The following TTN variants were observed in gnomAD, a reference collection of about 807,000 sequenced individuals.
TTN encodes the protein connectin.
In TTN, 1,525 loss-of-function variants were observed where a neutral mutation model predicts 3,223.0. The observed-to-expected ratio is 0.47, with a 90% CI of 0.45 to 0.49. The LOEUF is 0.49. TTN is among the 20% of genes least tolerant of loss of function. TTN has a pLI of 0.00. For synonymous variants in TTN, 14,094 were observed against 15,161.0 expected (o/e 0.93, Z 5.17); for missense variants, 40,786 against 43,424.0 (o/e 0.94, Z 5.40).
At position 178,559,325 on chromosome 2, in the gene TTN, C is replaced by T. The variant is rs749842120; in HGVS notation, c.86807G>A (p.Gly28936Glu). ...GVGIPAETKE[G>E]VKITEKPSPP... The stretch of plus-strand genomic sequence containing the variant: ...TTAAAACATACCTGTTATTTTTACT[C>T]CTTCCTTTGTTTCAGCTGGTATACC... The change falls in exon 326 of 363, where the codon GGA becomes GAA. Residue 28936 changes from glycine (G) to glutamate (E), a missense_variant. Gly to Glu is a moderately conservative substitution (Grantham distance 98). Transcript: ENST00000589042. 6.9e-6 allele frequency: 11 copies of T among 1,591,062 alleles called. No homozygotes were observed. Among genetic ancestry groups the T allele is most frequent in the Non-Finnish European group, 8.6e-6 (10 of 1,168,526 alleles).
In TTN at chr2:178,631,260, A is replaced by C. The variant is rs2154220279; in HGVS notation, c.43788T>G (p.Thr14596=). ...GAATAACTTCATCTTTCTCTACACC[A>C]GTATAATCTTGAAGTTTTCCTGTAA... The part of the protein sequence containing the change: ...PYFTGKLQDY[T]GVEKDEVILQ... The change falls in exon 237 of 363, where the codon ACT becomes ACG. Residue 14596 remains threonine, a synonymous_variant. Transcript: ENST00000589042. The C allele has an allele frequency of 6.2e-7, 1 of 1,611,582 alleles. No individual in the cohort carries two copies. The highest frequency in any genetic ancestry group is 8.5e-7 in the Non-Finnish European group (1 of 1,179,080).
Position 178,727,180 on chromosome 2 carries a change from T to C in TTN, c.20185A>G (p.Asn6729Asp), listed in dbSNP as rs794729619. The C allele has an allele frequency of 1.9e-6, 3 of 1,613,154 alleles. No homozygotes were observed. In the Admixed American group the frequency reaches 5.0e-5, roughly 27 times the overall value. The change falls in exon 69 of 363, where the codon AAT becomes GAT. Residue 6729 changes from asparagine to aspartate, a missense_variant. Coordinates refer to ENST00000589042, the MANE Select transcript of TTN (RefSeq NM_001267550.2). Reference sequence around the variant, plus strand: ...TCTCCACTGTCCTCAGTACTGAGATTGTTCATCTGTATGACGGCCACTGAG... The same window carrying C: ...TCTCCACTGTCCTCAGTACTGAGATCGTTCATCTGTATGACGGCCACTGAG... ...IDSVAVIQMN[N>D]LSTEDSGDFI...
chr2:178,735,125 C>G (rs1207486956), intron 50 of TTN, 137 bp from the exon 51 acceptor site: 13 of 949,428 alleles, frequency 1.4e-5, no homozygotes, highest in Admixed American at 3.1e-5. Context: ...AGCTGTGGTG[C>G]ATTTAATAGG....
At chr2:178,720,742 G>C in intron 79 of TTN, 79 bp from the exon 80 acceptor site, 1 of 1,434,058 alleles carries the variant, frequency 7.0e-7, no homozygotes, top group Non-Finnish European at 9.2e-7. Flanking sequence ...GAACCTTGAA[G>C]AGTGACTGGT....
intron 120 of TTN, 90 bp from the exon 121 acceptor site, chr2:178,692,189 A>C: frequency 8.1e-7 from 1 of 1,233,472 alleles, no homozygotes; most frequent in Non-Finnish European, 1.2e-6. Flanking sequence ...ATCTTCACTA[A>C]CAGTGTGAGA....
chr2:178,783,083 A>C lies in TTN; in HGVS notation c.2842-19T>G. The stretch of plus-strand genomic sequence containing the variant: ...TTAAGCCCTGAAGAGAGGAGAAAAA[A>C]TAAATAATGATACGTGTGCATATTC... On this transcript the variant is annotated intron_variant, in intron 17 of 362. Coordinates refer to ENST00000589042, the MANE Select transcript of TTN (RefSeq NM_001267550.2). 6.2e-7 allele frequency: 1 copy of C among 1,612,352 alleles called. No individual in the cohort carries two copies. Among genetic ancestry groups the C allele is most frequent in the South Asian group, 1.1e-5 (1 of 91,034 alleles).
chr2:178,695,739 T>TA (rs1298983039), intron 114 of TTN, 126 bp downstream of exon 114: 3 of 806,098 alleles, frequency 3.7e-6, no homozygotes, highest in South Asian at 3.9e-5. Flanking sequence ...TTTCTAACCT[T>TA]AAAAAAATCT....
chr2:178,563,013 C>T lies in TTN; in HGVS notation c.83119G>A (p.Val27707Ile). The T allele has an allele frequency of 6.2e-7, 1 of 1,613,688 alleles. No individual in the cohort carries two copies. The highest frequency in any genetic ancestry group is 1.3e-5 in the African/African-American group (1 of 75,034). Residue 27707 changes from valine to isoleucine, a missense_variant, in exon 326 of 363, where the codon GTT becomes ATT. Val to Ile is a conservative substitution (Grantham distance 29). Transcript: ENST00000589042. This position sits in a 1 kb window ranked among gnomAD's most constrained non-coding sequence, Gnocchi z 4.5. ...ATGCCTTCTGCCTTTTCCCATTTAA[C>T]TTCGGGTTCTGGTCGACCTTTGATA... ...VTIKGRPEPE[V>I]KWEKAEGILT...
rs1559520585 is a variant in TTN, at chr2:178,583,639, G to A, written c.65543C>T (p.Pro21848Leu). The A allele has an allele frequency of 1.2e-6, 2 of 1,609,732 alleles. No individual in the cohort carries two copies. Among genetic ancestry groups the A allele is most frequent in the East Asian group, 2.2e-5 (1 of 44,530 alleles). The change falls in exon 312 of 363, where the codon CCT (proline) becomes CTT (leucine). Residue 21848 changes from proline (P) to leucine (L), a missense_variant. Transcript: ENST00000589042. ...TGCGAGGATAGTCACTGGATCAGAAGGTTCAGAAGGTGGGCTAATGTTTAC... is the reference window on the plus strand; with the variant it reads ...TGCGAGGATAGTCACTGGATCAGAAAGTTCAGAAGGTGGGCTAATGTTTAC... ...TAVNISPPSE[P>L]SDPVTILAEN...
At position 178,782,404 on chromosome 2, in the gene TTN, A is replaced by G; in HGVS notation, c.3188T>C (p.Val1063Ala). Residue 1063 changes from valine (V) to alanine (A), a missense_variant, in exon 20 of 363, where the codon GTT (valine) becomes GCT (alanine). By Grantham distance (64) the Val-to-Ala change is moderately conservative. Coordinates refer to ENST00000589042, the MANE Select transcript of TTN (RefSeq NM_001267550.2). ...CTCTGTGAGGCTAGTATCAGTCATA[A>G]CCACATCTCTTGACTCAACAAAGCT... is the stretch of plus-strand genomic sequence containing the variant. ...EKRFVESRDV[V>A]MTDTSLTEEQ... 2 of 1,614,076 alleles carry G rather than the reference A, an allele frequency of 1.2e-6. No homozygotes were observed. Among genetic ancestry groups the G allele is most frequent in the Non-Finnish European group, 1.7e-6 (2 of 1,179,974 alleles).
In TTN at chr2:178,607,956, C is replaced by A. The variant is rs748265704; in HGVS notation, c.52831G>T (p.Val17611Phe). 1 of 1,612,852 alleles carries A rather than the reference C, an allele frequency of 6.2e-7. No individual in the cohort carries two copies. Among genetic ancestry groups the A allele is most frequent in the Non-Finnish European group, 8.5e-7 (1 of 1,179,314 alleles). The change falls in exon 276 of 363, where the codon GTT becomes TTT. Residue 17611 changes from valine to phenylalanine, a missense_variant. Physicochemically the swap from Val to Phe is conservative, Grantham distance 50 (BLOSUM62 -1). Coordinates refer to ENST00000589042, the MANE Select transcript of TTN (RefSeq NM_001267550.2). ...IVGYFVDKQL[V>F]GTNEWSRCTE... ...CAGCGTGACCATTCATTTGTGCCAA[C>A]CAACTGCTTATCAACAAAATAGCCA...
At position 178,677,696 on chromosome 2, in the gene TTN, G is replaced by T. The variant is rs532102837; in HGVS notation, c.34216C>A (p.Pro11406Thr). 202 of 1,612,698 alleles carry T rather than the reference G, an allele frequency of 1.3e-4. 1 individual carries two copies. In the East Asian group the frequency reaches 4.3e-3, roughly 34 times the overall value. The change falls in exon 146 of 363, where the codon CCT becomes ACT. Residue 11406 changes from proline to threonine, a missense_variant. Coordinates refer to ENST00000589042, the MANE Select transcript of TTN (RefSeq NM_001267550.2). The part of the protein sequence containing the change: ...EEVPPEEEYV[P>T]EEEEFVPEEE... Reference sequence around the variant, plus strand: ...TCAGGTACAAATTCTTCTTCCTCAGGTACATATTCTTCTTCGGGAGGAACT... The same window carrying T: ...TCAGGTACAAATTCTTCTTCCTCAGTTACATATTCTTCTTCGGGAGGAACT...
rs1270981853 is a variant in TTN, at chr2:178,776,973, T to C, written c.4891A>G (p.Thr1631Ala). ...TCTCTGCCAGCTTTATTAATAGCAG[T>C]CGCAGTATACCAGGCAGAATCTTGG... ...VSQDSAWYTATAINKAGRDTT... is the reference protein window; with the variant it reads ...VSQDSAWYTAAAINKAGRDTT... The change falls in exon 28 of 363, where the codon ACT becomes GCT. Residue 1631 changes from threonine to alanine, a missense_variant. Thr to Ala is a moderately conservative substitution (Grantham distance 58). Transcript: ENST00000589042. 1 of 1,613,996 alleles carries C rather than the reference T, an allele frequency of 6.2e-7. No homozygotes were observed. The highest frequency in any genetic ancestry group is 1.7e-5 in the Admixed American group (1 of 60,008).
In TTN at chr2:178,597,667, T is replaced by G. The variant is rs397517629; in HGVS notation, c.57415A>C (p.Ile19139Leu). Reference protein sequence around the residue: ...NERTLPQEATIETTAISSSMV... With the variant: ...NERTLPQEATLETTAISSSMV... Reference sequence around the variant, plus strand: ...GATGAGCTAATGGCTGTGGTCTCAATGGTGGCTTCTTGAGGTAAGGTTCTT... The same window carrying G: ...GATGAGCTAATGGCTGTGGTCTCAAGGGTGGCTTCTTGAGGTAAGGTTCTT... The change falls in exon 294 of 363, where the codon ATT becomes CTT. Residue 19139 changes from isoleucine (I) to leucine (L), a missense_variant. Ile to Leu is a conservative substitution (Grantham distance 5). Transcript: ENST00000589042. The G allele has an allele frequency of 6.2e-7, 1 of 1,613,228 alleles. No homozygotes were observed. The highest frequency in any genetic ancestry group is 8.5e-7 in the Non-Finnish European group (1 of 1,179,564).
chr2:178,582,441 T>A lies in TTN; in HGVS notation c.66015A>T (p.Gln22005His), dbSNP rs747951231. The change falls in exon 314 of 363, where the codon CAA becomes CAT. Residue 22005 changes from glutamine to histidine, a missense_variant. Physicochemically the swap from Gln to His is conservative, Grantham distance 24 (BLOSUM62 0). Transcript: ENST00000589042. Reference sequence around the variant, plus strand: ...TGGTGATAGGCACAGTTGCAGAGACTTGAGCCCAGTTGGGCCTGCTTGTTT... The same window carrying A: ...TGGTGATAGGCACAGTTGCAGAGACATGAGCCCAGTTGGGCCTGCTTGTTT... ...KRETSRPNWA[Q>H]VSATVPITSC... 47 of 1,612,990 alleles carry A rather than the reference T, an allele frequency of 2.9e-5. No homozygotes were observed. The South Asian group carries it at 4.7e-4, about 16-fold the overall frequency.
chr2:178,589,002 C>G lies in TTN; in HGVS notation c.62723G>C (p.Arg20908Pro), dbSNP rs377203669. The G allele has an allele frequency of 6.2e-7, 1 of 1,611,206 alleles. No homozygotes were observed. The highest frequency in any genetic ancestry group is 1.3e-5 in the African/African-American group (1 of 74,864). The change falls in exon 304 of 363, where the codon CGA becomes CCA. Residue 20908 changes from arginine (R) to proline (P), a missense_variant. Transcript: ENST00000589042. ...NYILEKCETK[R>P]MVWSTYSATV... ...AGCAGAATAGGTAGACCAAACCATT[C>G]GCTTTGTCTCACATTTTTCTAGAAT...
Position 178,678,527 on chromosome 2 carries a change from T to C in TTN, c.33827-30A>G, listed in dbSNP as rs1428206148. 3 of 1,501,678 alleles carry C rather than the reference T, an allele frequency of 2.0e-6. No homozygotes were observed. The African/African-American group carries it at 4.2e-5, about 21-fold the overall frequency. The allele number at this position is 1,501,678 out of a possible 1,614,324, so 93.0% of individuals were successfully genotyped here. A position where few individuals can be genotyped will look rare whatever the true frequency, so the allele number is the denominator to read the frequency against. The stretch of plus-strand genomic sequence containing the variant: ...AACGAAATGATTTAGAGAAAAATTT[T>C]ATACGACATAAAAATACTGATTCCA... On this transcript the variant is annotated intron_variant, in intron 143 of 362. Coordinates refer to ENST00000589042, the MANE Select transcript of TTN (RefSeq NM_001267550.2).
Position 178,584,372 on chromosome 2 carries a change from C to T in TTN, c.65179G>A (p.Gly21727Ser), listed in dbSNP as rs756099303. Residue 21727 changes from glycine (G) to serine (S), a missense_variant, in exon 311 of 363, where the codon GGT becomes AGT. By Grantham distance (56) the Gly-to-Ser change is moderately conservative. Coordinates refer to ENST00000589042, the MANE Select transcript of TTN (RefSeq NM_001267550.2). Reference protein sequence around the residue: ...TEYPCAGLVEGLEYSFRIYAL... With the variant: ...TEYPCAGLVESLEYSFRIYAL... ...TAGATTCTGAATGAATACTCAAGAC[C>T]TTCTACAAGGCCAGCACAAGGATAT... The T allele has an allele frequency of 1.5e-5, 24 of 1,613,104 alleles. No individual in the cohort carries two copies. The highest frequency in any genetic ancestry group is 1.7e-5 in the Non-Finnish European group (20 of 1,179,460).
Position 178,553,997 on chromosome 2 carries a change from T to C in TTN, c.89114A>G (p.Gln29705Arg), listed in dbSNP as rs752538734. The C allele has an allele frequency of 9.9e-6, 16 of 1,613,350 alleles. No individual in the cohort carries two copies. The highest frequency in any genetic ancestry group is 1.4e-5 in the Non-Finnish European group (16 of 1,179,806). ...AGCGTTTACAGCACAAACTCTGTAT[T>C]GATAGTCACTGTTTTCTGTGAGTCC... ...VTGLTENSDYQYRVCAVNAAG... is the reference protein window; with the variant it reads ...VTGLTENSDYRYRVCAVNAAG... Residue 29705 changes from glutamine (Q) to arginine (R), a missense_variant, in exon 333 of 363, where the codon CAA becomes CGA. Gln to Arg is a conservative substitution (Grantham distance 43). Coordinates refer to ENST00000589042, the MANE Select transcript of TTN (RefSeq NM_001267550.2).
Sources: allele counts gnomAD v4.1 joint callset, GRCh38; gene constraint gnomAD v4.1.1; non-coding constraint Gnocchi (gnomAD v3.1); transcripts MANE v1.5; gene names NCBI Gene and HGNC (gene_info 2026-07-23, HGNC 2026-07-21).